The following CCSER1 variants were observed in gnomAD, a reference collection of about 807,000 sequenced individuals.
CCSER1 encodes the protein serine-rich coiled-coil domain-containing protein 1.
A neutral mutation model predicts 82.0 loss-of-function variants in CCSER1; 41 were observed. That is an observed-to-expected ratio of 0.50 (90% CI 0.39 to 0.65). CCSER1 has a LOEUF of 0.65. Ranked by LOEUF, CCSER1 falls within the 30% of genes least tolerant of loss-of-function variation. The pLI is 0.00. For missense variants in CCSER1, 1,119 were observed against 1,064.2 expected (o/e 1.05, Z -0.72); for synonymous variants, 414 against 383.9 (o/e 1.08, Z -0.92).
At chr4:90,211,428 G>A (rs548479882) in intron 1 of CCSER1, among the ~76,000 whole-genome samples, 114 of 152,340 alleles carry the variant, frequency 7.5e-4, no homozygotes, top group Middle Eastern at 3.4e-3. Flanking sequence ...AAATGAGTAA[G>A]AATGAAGATT....
At chr4:91,330,561 G>A (rs1175702344) in intron 10 of CCSER1, among the ~76,000 whole-genome samples, 1 of 152,008 alleles carries the variant, frequency 6.6e-6, no homozygotes, top group African/African-American at 2.4e-5. Context: ...TCTTCCCCTT[G>A]CGGAAGCAAC....
chr4:90,815,056 G>GA (rs1758818436), intron 7 of CCSER1, among the ~76,000 whole-genome samples: 1 of 152,114 alleles, frequency 6.6e-6, no homozygotes, highest in Non-Finnish European at 1.5e-5. Flanking sequence ...ATTTATACAG[G>GA]AAAAAGGTTT....
chr4:91,488,709 C>G (rs1429857472), intron 10 of CCSER1, among the ~76,000 whole-genome samples: 1 of 152,198 alleles, frequency 6.6e-6, no homozygotes. Context: ...GAGGCCTCCT[C>G]AGCCATGCTT....
intron 6 of CCSER1, among the ~76,000 whole-genome samples, chr4:90,707,541 ATAT>A (rs1560987404): frequency 1.2e-4 from 13 of 109,398 alleles, no homozygotes; most frequent in African/African-American, 4.6e-4. Context: ...AAAAAAAAAT[ATAT>A]ATATATATAT....
chr4:91,527,477 G>A (rs766856735), intron 10 of CCSER1, among the ~76,000 whole-genome samples: 1 of 152,122 alleles, frequency 6.6e-6, no homozygotes, highest in Non-Finnish European at 1.5e-5. Flanking sequence ...ATCAATAAAG[G>A]CTATTGTGAT....
chr4:91,390,385 C>T (rs1048576043), intron 10 of CCSER1, among the ~76,000 whole-genome samples: 1 of 151,742 alleles, frequency 6.6e-6, no homozygotes, highest in Non-Finnish European at 1.5e-5. Flanking sequence ...TGGGGTAAAT[C>T]ACACTTGATC....
At position 90,996,298 on chromosome 4, in the gene CCSER1, T is replaced by A. The variant is rs1737489404; in HGVS notation, c.2172+72851T>A. 5.9e-5 allele frequency among the ~76,000 whole-genome samples: 9 copies of A among 152,104 alleles called. No individual in the cohort carries two copies. In the South Asian group the frequency reaches 1.9e-3, roughly 31 times the overall value. Reference sequence around the variant, plus strand: ...TTTAACTTTCTGTTTCACAAGCTTCTATTGAGAATTTGTTGGGACCATTTT... The same window carrying A: ...TTTAACTTTCTGTTTCACAAGCTTCAATTGAGAATTTGTTGGGACCATTTT... On this transcript the variant is annotated intron_variant, in intron 9 of 10. Coordinates refer to ENST00000509176, the MANE Select transcript of CCSER1 (RefSeq NM_001145065.2).
intron 8 of CCSER1, among the ~76,000 whole-genome samples, chr4:90,888,756 C>T (rs879716820): frequency 3.9e-5 from 6 of 151,984 alleles, no homozygotes; most frequent in Non-Finnish European, 8.8e-5. Flanking sequence ...ACATAAAGAG[C>T]GAGAAACAGA....
chr4:91,116,146 C>T (rs1484273759), intron 10 of CCSER1, among the ~76,000 whole-genome samples: 1 of 151,918 alleles, frequency 6.6e-6, no homozygotes, highest in Non-Finnish European at 1.5e-5. Context: ...GAGAATGATT[C>T]ACAATAGCAA....
At chr4:91,439,159 A>G (rs1657897806) in intron 10 of CCSER1, among the ~76,000 whole-genome samples, 1 of 152,134 alleles carries the variant, frequency 6.6e-6, no homozygotes, top group African/African-American at 2.4e-5. Flanking sequence ...CGAGAAGAGC[A>G]ACTCCAAGAC....
chr4:91,414,808 A>G (rs1753258986), intron 10 of CCSER1, among the ~76,000 whole-genome samples: 1 of 152,176 alleles, frequency 6.6e-6, no homozygotes, highest in Non-Finnish European at 1.5e-5. Context: ...ATATCACATG[A>G]GAAACAAAGA....
intron 10 of CCSER1, among the ~76,000 whole-genome samples, chr4:91,224,152 A>T (rs893313882): frequency 6.6e-6 from 1 of 151,954 alleles, no homozygotes; most frequent in African/African-American, 2.4e-5. Flanking sequence ...AGCAAACCAA[A>T]ACCTTACTTG....
At position 91,043,242 on chromosome 4, in the gene CCSER1, G is replaced by A. The variant is rs368544356; in HGVS notation, c.2173-42708G>A. On this transcript the variant is annotated intron_variant, in intron 9 of 10. Coordinates refer to ENST00000509176, the MANE Select transcript of CCSER1 (RefSeq NM_001145065.2). ...TCACTAAAAAAAGAAATGTTATTAT[G>A]AAAATAATCATAGAAAAATAAAAAA... Among the ~76,000 whole-genome samples the A allele has an allele frequency of 2.3e-4, 35 of 151,928 alleles. No individual in the cohort carries two copies. The East Asian group carries it at 2.5e-3, about 11-fold the overall frequency.
At chr4:90,754,820 A>C (rs535886731) in intron 7 of CCSER1, among the ~76,000 whole-genome samples, 1 of 152,156 alleles carries the variant, frequency 6.6e-6, no homozygotes, top group Non-Finnish European at 1.5e-5. Context: ...CTTAAACCCT[A>C]TTGAATTTAA....
intron 5 of CCSER1, among the ~76,000 whole-genome samples, chr4:90,481,925 G>A (rs918791055): frequency 3.3e-5 from 5 of 152,082 alleles, no homozygotes; most frequent in African/African-American, 1.2e-4. Flanking sequence ...TCTATTGATT[G>A]GAATAGTTTC....
At chr4:91,485,214 T>C (rs952424260) in intron 10 of CCSER1, among the ~76,000 whole-genome samples, 4 of 152,188 alleles carry the variant, frequency 2.6e-5, no homozygotes, top group Non-Finnish European at 4.4e-5. Context: ...TCAACCTTGC[T>C]GTCATTTCTT....
chr4:91,520,537 A>C (rs1034951377), intron 10 of CCSER1, among the ~76,000 whole-genome samples: 1 of 152,162 alleles, frequency 6.6e-6, no homozygotes, highest in Non-Finnish European at 1.5e-5. Flanking sequence ...TTTAACTTAC[A>C]TATGAAAAGA....
chr4:91,366,826 A>T (rs1191508492), intron 10 of CCSER1, among the ~76,000 whole-genome samples: 2 of 152,180 alleles, frequency 1.3e-5, no homozygotes, highest in East Asian at 3.9e-4. Flanking sequence ...ATACATCATC[A>T]ACACCACAAT....
chr4:91,578,712 C>A (rs1226376004), intron 10 of CCSER1, among the ~76,000 whole-genome samples: 1 of 151,794 alleles, frequency 6.6e-6, no homozygotes, highest in Non-Finnish European at 1.5e-5. Context: ...ATTATTTCTC[C>A]CAGTTTTGGA....
Sources: gnomAD v4.1 joint callset for allele counts (sites outside exome capture counted in the v4.1 genomes callset) on GRCh38, gnomAD v4.1.1 for gene constraint, MANE v1.5 for transcripts, NCBI Gene and HGNC (gene_info 2026-07-23, HGNC 2026-07-21) for gene names.